DPP10: variants seen among roughly 807,000 people sequenced by gnomAD.
DPP10 encodes dipeptidyl peptidase like 10.
A neutral mutation model predicts 120.9 loss-of-function variants in DPP10; 33 were observed. That is an observed-to-expected ratio of 0.27 (90% CI 0.21 to 0.37). DPP10 has a LOEUF of 0.37. Ranked by LOEUF, DPP10 falls within the 10% of genes least tolerant of loss-of-function variation. The pLI, the probability that DPP10 is intolerant of heterozygous loss-of-function variation, is 1.00. For missense variants in DPP10, 816 were observed against 942.8 expected, an observed-to-expected ratio of 0.87 and a Z score of 1.76; for synonymous variants, 337 against 326.1, an observed-to-expected ratio of 1.03 and a Z score of -0.36.
At chr2:114,717,564 G>T (rs1042065064) in intron 1 of DPP10, among the ~76,000 whole-genome samples, 2 of 152,122 alleles carry the variant, frequency 1.3e-5, no homozygotes, top group Non-Finnish European at 2.9e-5. Flanking sequence ...GATTGGCTCC[G>T]TAAACCTTTA....
At chr2:115,095,582 T>TTG (rs779905215) in intron 1 of DPP10, among the ~76,000 whole-genome samples, 3 of 96,222 alleles carry the variant, frequency 3.1e-5, no homozygotes, top group African/African-American at 1.1e-4. Context: ...TGGTTTTTTT[T>TTG]TTGTTTTTTT....
chr2:115,335,695 T>C (rs1318154603), intron 2 of DPP10, among the ~76,000 whole-genome samples: 2 of 152,096 alleles, frequency 1.3e-5, no homozygotes, highest in East Asian at 3.9e-4. Context: ...ATTCTGTAGT[T>C]TCATCTAGCT....
chr2:114,447,620 C>T (rs1430046738), intron 1 of DPP10, among the ~76,000 whole-genome samples: 1 of 152,094 alleles, frequency 6.6e-6, no homozygotes, highest in African/African-American at 2.4e-5. Flanking sequence ...AAGAACTTTA[C>T]TCATAAGAAT....
intron 1 of DPP10, among the ~76,000 whole-genome samples, chr2:114,924,193 C>T (rs879427375): frequency 6.6e-6 from 1 of 152,146 alleles, no homozygotes; most frequent in Non-Finnish European, 1.5e-5. Flanking sequence ...GCTGGGCTCA[C>T]CATAAATCCA....
chr2:114,557,501 A>C (rs532241223), intron 1 of DPP10, among the ~76,000 whole-genome samples: 1 of 152,254 alleles, frequency 6.6e-6, no homozygotes, highest in South Asian at 2.1e-4. Flanking sequence ...CTCAGAGTGG[A>C]TTTGTTCGTG....
At chr2:115,832,390 G>T (rs1964467) in intron 21 of DPP10, among the ~76,000 whole-genome samples, 135,096 of 152,202 alleles carry the variant, frequency 0.89, 60,038 homozygotes, top group Middle Eastern at 0.98. Context: ...CTCAGGAGGC[G>T]GAAGTGGGAG....
At chr2:114,823,561 C>T (rs1349977019) in intron 1 of DPP10, among the ~76,000 whole-genome samples, 2 of 152,146 alleles carry the variant, frequency 1.3e-5, no homozygotes, top group African/African-American at 2.4e-5. Context: ...AAATTCCCCA[C>T]CCCAAAGGAG....
chr2:114,644,366 CTG>C (rs1279481346), intron 1 of DPP10, among the ~76,000 whole-genome samples: 3 of 147,784 alleles, frequency 2.0e-5, no homozygotes, highest in East Asian at 2.0e-4. Context: ...GTGTGTGTGT[CTG>C]TGTGTGTGTG....
intron 1 of DPP10, among the ~76,000 whole-genome samples, chr2:115,029,772 G>T (rs1703715508): frequency 6.6e-6 from 1 of 152,090 alleles, no homozygotes; most frequent in South Asian, 2.1e-4. Flanking sequence ...TTGCAAACCA[G>T]TTTGATCTCT....
At chr2:114,612,672 A>G (rs879621789) in intron 1 of DPP10, among the ~76,000 whole-genome samples, 4 of 152,144 alleles carry the variant, frequency 2.6e-5, no homozygotes, top group Non-Finnish European at 5.9e-5. Context: ...AAAATAAATC[A>G]CCGAAAAACT....
At chr2:115,602,302 T>C (rs1014391533) in intron 5 of DPP10, among the ~76,000 whole-genome samples, 2 of 152,156 alleles carry the variant, frequency 1.3e-5, no homozygotes, top group South Asian at 4.1e-4. Context: ...GAGTTATACA[T>C]TGAGAAACAT....
intron 1 of DPP10, among the ~76,000 whole-genome samples, chr2:115,071,755 C>G (rs1026552118): frequency 1.2e-4 from 18 of 152,014 alleles, no homozygotes; most frequent in Admixed American, 1.1e-3. Context: ...GTGGCTGAGG[C>G]CTGGCAGGGA....
At chr2:115,486,588 A>G (rs975805189) in intron 3 of DPP10, among the ~76,000 whole-genome samples, 1 of 152,136 alleles carries the variant, frequency 6.6e-6, no homozygotes, top group African/African-American at 2.4e-5. Context: ...AGACTGGACC[A>G]TTCAACAAGA....
chr2:115,022,007 A>G (rs1202522916), intron 1 of DPP10, among the ~76,000 whole-genome samples: 1 of 152,054 alleles, frequency 6.6e-6, no homozygotes, highest in Non-Finnish European at 1.5e-5. Flanking sequence ...GCAAAATAGG[A>G]CATATAATAA....
chr2:115,025,004 T>G (rs1480422495), intron 1 of DPP10, among the ~76,000 whole-genome samples: 2 of 151,862 alleles, frequency 1.3e-5, no homozygotes, highest in Non-Finnish European at 2.9e-5. Flanking sequence ...ACATATATTT[T>G]AATGCTAGGA....
At chr2:114,964,446 C>G (rs1698859996) in intron 1 of DPP10, among the ~76,000 whole-genome samples, 1 of 151,926 alleles carries the variant, frequency 6.6e-6, no homozygotes, top group South Asian at 2.1e-4. Flanking sequence ...AGAACTGGAG[C>G]AATGATAAGA....
intron 2 of DPP10, among the ~76,000 whole-genome samples, chr2:115,321,564 A>G (rs1464957836): frequency 8.3e-6 from 1 of 121,210 alleles, no homozygotes; most frequent in African/African-American, 3.2e-5. Context: ...ATATAGTTCT[A>G]TGTCCTTTGC....
At chr2:115,347,636 C>T (rs964037931) in intron 3 of DPP10, among the ~76,000 whole-genome samples, 3 of 151,982 alleles carry the variant, frequency 2.0e-5, no homozygotes, top group Non-Finnish European at 4.4e-5. Flanking sequence ...TCCCCTAGTC[C>T]CCTACCCCCT....
chr2:115,357,652 G>T (rs1037877204), intron 3 of DPP10, among the ~76,000 whole-genome samples: 12 of 152,148 alleles, frequency 7.9e-5, no homozygotes, highest in African/African-American at 2.9e-4. Context: ...CCACTAGGCA[G>T]TGCCCCAGTG....
Sources: allele counts gnomAD v4.1 joint callset (sites outside exome capture counted in the v4.1 genomes callset), GRCh38; gene constraint gnomAD v4.1.1; transcripts MANE v1.5; gene names NCBI Gene and HGNC (gene_info 2026-07-23, HGNC 2026-07-21).